The following BTBD1 variants were observed in gnomAD, a reference collection of about 807,000 sequenced individuals.
BTBD1 encodes BTB domain containing 1.
Under a neutral mutation model 48.0 loss-of-function variants are expected in BTBD1, and 34 were observed. The ratio of observed to expected loss-of-function variants is 0.71; its 90% CI spans 0.54 to 0.94. The LOEUF is 0.94. Ranked by LOEUF, BTBD1 falls within the 40% of genes least tolerant of loss-of-function variation. The pLI, the probability that BTBD1 is intolerant of heterozygous loss-of-function variation, is 0.00. For synonymous variants in BTBD1, 261 were observed against 242.1 expected (o/e 1.08, Z -0.72); for missense variants, 543 against 625.6 (o/e 0.87, Z 1.41).
At chr15:83,050,473 A>T (rs933910714) in intron 2 of BTBD1, among the ~76,000 whole-genome samples, 1 of 137,948 alleles carries the variant, frequency 7.2e-6, no homozygotes, top group African/African-American at 2.6e-5. Flanking sequence ...TGTACAGCCT[A>T]TATTCTTATA....
chr15:83,052,477 T>C (rs1251092832), intron 2 of BTBD1, among the ~76,000 whole-genome samples: 1 of 152,178 alleles, frequency 6.6e-6, no homozygotes, highest in Non-Finnish European at 1.5e-5. Flanking sequence ...TATCTTTACC[T>C]AATCCACTGG....
intron 4 of BTBD1, among the ~76,000 whole-genome samples, chr15:83,040,838 ATC>A (rs1266532774): frequency 1.3e-5 from 2 of 151,850 alleles, no homozygotes; most frequent in African/African-American, 2.4e-5. Context: ...CTCAAAACAG[ATC>A]TGTCTGATTT....
chr15:83,049,367 G>A (rs1185098318), intron 3 of BTBD1, among the ~76,000 whole-genome samples: 2 of 152,098 alleles, frequency 1.3e-5, no homozygotes, highest in African/African-American at 4.8e-5. Flanking sequence ...CCCGCCAGGC[G>A]TCCATTTTTT....
At chr15:83,044,516 A>C in intron 3 of BTBD1, 2 of 1,586,968 alleles carry the variant, frequency 1.3e-6, no homozygotes, top group South Asian at 1.1e-5. Context: ...GTGATGGCAA[A>C]AACCTCACCA....
intron 1 of BTBD1, among the ~76,000 whole-genome samples, chr15:83,066,016 GC>G (rs990227257): frequency 1.5e-4 from 23 of 152,252 alleles, no homozygotes; most frequent in African/African-American, 5.1e-4. Context: ...AAGTGGCCAG[GC>G]GCGGTGGTTC....
At position 83,066,910 on chromosome 15, in the gene BTBD1, G is replaced by GCGC; in HGVS notation, c.239_241dup (p.Gly80dup). The GCGC allele has an allele frequency of 1.3e-6, 2 of 1,523,590 alleles. No homozygotes were observed. Among genetic ancestry groups the GCGC allele is most frequent in the East Asian group, 2.7e-5 (1 of 36,868 alleles). The allele number at this position is 1,523,590 out of a possible 1,614,324, so 94.4% of individuals were successfully genotyped here. A position where few individuals can be genotyped will look rare whatever the true frequency, so the allele number is the denominator to read the frequency against. On this transcript the variant is annotated inframe_insertion, in exon 1 of 8. Coordinates refer to ENST00000261721, the MANE Select transcript of BTBD1 (RefSeq NM_025238.4). ...GCGCTGCGGGCCCCCAGCGGCGGCG[G>GCGC]CGCCGCGACCCTTGCCCAGTACGAA...
At chr15:83,049,764 TAG>T (rs1192946419) in intron 3 of BTBD1, among the ~76,000 whole-genome samples, 1 of 152,182 alleles carries the variant, frequency 6.6e-6, no homozygotes, top group Non-Finnish European at 1.5e-5. Context: ...ATTCTCCAAT[TAG>T]ACGTTTCCTT....
intron 7 of BTBD1, 140 bp downstream of exon 7, chr15:83,018,567 G>A (rs1327084384): frequency 1.6e-5 from 14 of 889,118 alleles, no homozygotes; most frequent in Non-Finnish European, 1.5e-5. Flanking sequence ...CTTTTCGGAA[G>A]GCAGTGGAAT....
intron 4 of BTBD1, 80 bp downstream of exon 4, chr15:83,041,648 A>T: frequency 7.5e-7 from 1 of 1,329,650 alleles, no homozygotes; most frequent in Non-Finnish European, 1.1e-6. Flanking sequence ...TGCTGGGATT[A>T]TAGGTGTGAG....
chr15:83,042,001 TATA>T (rs1405280800), intron 3 of BTBD1, 76 bp from the exon 4 acceptor site: 1 of 1,251,096 alleles, frequency 8.0e-7, no homozygotes, highest in Non-Finnish European at 1.1e-6. Context: ...CAGACACACT[TATA>T]TTAAGTTTTC....
intron 5 of BTBD1, among the ~76,000 whole-genome samples, chr15:83,023,200 A>T (rs993507762): frequency 5.3e-5 from 8 of 152,106 alleles, no homozygotes; most frequent in Non-Finnish European, 1.2e-4. Context: ...AAAACTACCA[A>T]TTCACTATAT....
At chr15:83,052,012 A>AGT (rs1206896435) in intron 2 of BTBD1, among the ~76,000 whole-genome samples, 1 of 152,036 alleles carries the variant, frequency 6.6e-6, no homozygotes, top group Non-Finnish European at 1.5e-5. Context: ...GCTGGAGTGC[A>AGT]GTGGCACAAT....
intron 1 of BTBD1, chr15:83,061,419 A>C (rs184830983): frequency 6.6e-6 from 1 of 152,198 alleles, no homozygotes. Flanking sequence ...AGGCACTCAT[A>C]TCTAATAACT....
chr15:83,040,716 A>AC (rs2032737231), intron 4 of BTBD1, among the ~76,000 whole-genome samples: 1 of 151,604 alleles, frequency 6.6e-6, no homozygotes, highest in African/African-American at 2.4e-5. Flanking sequence ...AAAAAAAAAA[A>AC]AAAAACCATG....
chr15:83,056,298 T>A, intron 2 of BTBD1, 91 bp downstream of exon 2: 1 of 763,502 alleles, frequency 1.3e-6, no homozygotes, highest in Non-Finnish European at 2.1e-6. Flanking sequence ...AAAATTATAA[T>A]CTAGAATTCT....
chr15:83,065,524 C>A (rs1039063640), intron 1 of BTBD1, among the ~76,000 whole-genome samples: 6 of 152,144 alleles, frequency 3.9e-5, no homozygotes, highest in Non-Finnish European at 7.3e-5. Context: ...AACTGTGAAC[C>A]TTTGTATCTA....
At chr15:83,060,925 C>T (rs1448091128) in intron 1 of BTBD1, among the ~76,000 whole-genome samples, 2 of 152,124 alleles carry the variant, frequency 1.3e-5, no homozygotes, top group African/African-American at 2.4e-5. Flanking sequence ...TACTCAAAAA[C>T]ATTTATTGAG....
intron 4 of BTBD1, chr15:83,030,796 T>A (rs1401436640): frequency 6.6e-6 from 1 of 152,294 alleles, no homozygotes; most frequent in Non-Finnish European, 1.5e-5. Context: ...AGCTTCTGCA[T>A]AGCAAAATAA....
At chr15:83,044,574 G>C in intron 3 of BTBD1, 1 of 1,597,650 alleles carries the variant, frequency 6.3e-7, no homozygotes. Flanking sequence ...TACCCTGGGA[G>C]AGAAGTTTGA....
Sources: gnomAD v4.1 joint callset for allele counts (sites outside exome capture counted in the v4.1 genomes callset) on GRCh38, gnomAD v4.1.1 for gene constraint, MANE v1.5 for transcripts, NCBI Gene and HGNC (gene_info 2026-07-23, HGNC 2026-07-21) for gene names.